Variants in SOS1 observed in about 807,000 individuals in gnomAD.
SOS1 encodes SOS Ras/Rac guanine nucleotide exchange factor 1, also known as son of sevenless homolog 1.
A neutral mutation model predicts 157.6 loss-of-function variants in SOS1; 25 were observed. That is an observed-to-expected ratio of 0.16 (90% confidence interval 0.12 to 0.22). SOS1 has a LOEUF of 0.22. Among genes scored for constraint, SOS1 ranks in the 10% least tolerant of loss-of-function variants. The pLI is 1.00. For synonymous variants in SOS1, 528 were observed against 534.0 expected, an observed-to-expected ratio of 0.99 and a Z score of 0.16; for missense variants, 1,237 against 1,599.1, an observed-to-expected ratio of 0.77 and a Z score of 3.86.
chr2:39,054,325 TCAAA>T (rs1558490941), intron 5 of SOS1, among the ~76,000 whole-genome samples: 1 of 152,352 alleles, frequency 6.6e-6, no homozygotes, highest in Middle Eastern at 3.4e-3. Flanking sequence ...TTCAAATGAC[TCAAA>T]CAAACATATC....
At chr2:39,067,531 A>G in intron 2 of SOS1, 97 bp downstream of exon 2, 2 of 1,062,820 alleles carry the variant, frequency 1.9e-6, no homozygotes, top group Non-Finnish European at 2.9e-6. Flanking sequence ...CTTATATACC[A>G]TATATATAGA....
chr2:39,033,767 G>C (rs1413896898), intron 8 of SOS1, among the ~76,000 whole-genome samples: 1 of 152,134 alleles, frequency 6.6e-6, no homozygotes, highest in Non-Finnish European at 1.5e-5. Context: ...GAACACCTGG[G>C]CTCAAGCAAT....
Position 38,996,944 on chromosome 2 carries a change from T to C in SOS1, c.3059A>G (p.Asn1020Ser), listed in dbSNP as rs1464623941. 1 of 1,574,306 alleles carries C rather than the reference T, an allele frequency of 6.4e-7. No homozygotes were observed. The change falls in exon 19 of 23, where the codon AAC becomes AGC. Residue 1020 changes from asparagine (N) to serine (S), a missense_variant. Around this residue, in one of 15 missense-constraint regions of SOS1, gnomAD observed 43 missense variants for 83.0 expected, o/e 0.52. Transcript: ENST00000402219. ...TACAAATCTTGGGAGAGGCTTAGGG[T>C]TTCGTGGTTCTATTTCTAGGGATTT... is the stretch of plus-strand genomic sequence containing the variant. ...FNKSLEIEPR[N>S]PKPLPRFPKK... is the part of the protein sequence containing the mutation.
At chr2:39,068,684 ATTTC>A (rs1388314710) in intron 1 of SOS1, among the ~76,000 whole-genome samples, 3 of 150,624 alleles carry the variant, frequency 2.0e-5, no homozygotes, top group Non-Finnish European at 4.4e-5. Context: ...CTCCTCAACC[ATTTC>A]TTTAATTTTT....
At chr2:39,043,358 C>T (rs1037328032) in intron 6 of SOS1, among the ~76,000 whole-genome samples, 9 of 152,036 alleles carry the variant, frequency 5.9e-5, no homozygotes, top group African/African-American at 1.9e-4. Flanking sequence ...TTTTTCATTG[C>T]CATTTCATTG....
chr2:39,056,625 T>C (rs1445431150), intron 4 of SOS1, 77 bp downstream of exon 4: 3 of 910,680 alleles, frequency 3.3e-6, no homozygotes, highest in Non-Finnish European at 5.5e-6. Context: ...AATTTTATTC[T>C]ATATGAATAG....
rs562337996 is a variant in SOS1, at chr2:39,012,362, T to C, written c.2168-14A>G. ...TCATTGCTTTACCTGCAATACATTA[T>C]ATTTTAAATAACATTTAAATATTCT... On this transcript the variant is annotated splice_polypyrimidine_tract_variant and intron_variant, in intron 13 of 22. Coordinates refer to ENST00000402219, the MANE Select transcript of SOS1 (RefSeq NM_005633.4). 49 of 1,253,226 alleles carry C rather than the reference T, an allele frequency of 3.9e-5. No individual in the cohort carries two copies. The highest frequency in any genetic ancestry group is 5.3e-5 in the Non-Finnish European group (47 of 879,576). 77.6% of individuals were successfully genotyped at this position (1,253,226 alleles called of 1,614,324 possible).
chr2:39,087,973 G>A (rs1672438240), intron 1 of SOS1, among the ~76,000 whole-genome samples: 1 of 151,264 alleles, frequency 6.6e-6, no homozygotes, highest in Non-Finnish European at 1.5e-5. Context: ...GCACCCAGCC[G>A]AAAGTGCTTT....
rs143853610 is a variant in SOS1, at chr2:39,031,697, C to G, written c.1074+3515G>C. Among the ~76,000 whole-genome samples, 1,394 of 152,118 alleles carry G rather than the reference C, an allele frequency of 9.2e-3. 12 individuals carry two copies. Among genetic ancestry groups the G allele is most frequent in the Middle Eastern group, 0.017 (5 of 294 alleles). ...CAAGATCTTGCCACTGCACTCAAGC[C>G]TGGGCGACAGAGTGAGACTCTGTCT... is the stretch of plus-strand genomic sequence containing the variant. On this transcript the variant is annotated intron_variant, in intron 8 of 22. Coordinates refer to ENST00000402219, the MANE Select transcript of SOS1 (RefSeq NM_005633.4).
intron 2 of SOS1, among the ~76,000 whole-genome samples, chr2:39,063,470 C>G (rs1056303295): frequency 6.6e-6 from 1 of 152,202 alleles, no homozygotes; most frequent in Non-Finnish European, 1.5e-5. Flanking sequence ...AAGCACGACT[C>G]TACTTCCTTA....
chr2:39,037,335 T>G (rs1040694914), intron 6 of SOS1, among the ~76,000 whole-genome samples: 1 of 152,232 alleles, frequency 6.6e-6, no homozygotes, highest in African/African-American at 2.4e-5. Flanking sequence ...AATGATCATA[T>G]GCCAAATATC....
In SOS1 at chr2:38,985,811, A is replaced by C; in HGVS notation, c.*13T>G. 1 of 1,613,576 alleles carries C rather than the reference A, an allele frequency of 6.2e-7. No individual in the cohort carries two copies. On this transcript the variant is annotated 3_prime_UTR_variant, in exon 23 of 23. Coordinates refer to ENST00000402219, the MANE Select transcript of SOS1 (RefSeq NM_005633.4). ...TTGGGGCTAGGAAAATATACATCCC[A>C]GTACAGAGGAACTCAGGAAGAATGG...
rs1176763588 is a variant in SOS1 at position 39,012,200 on chromosome 2, C to T, written c.2316G>A (p.Glu772=). The change falls in exon 14 of 23, where the codon GAG becomes GAA. Residue 772 remains glutamate (E), a synonymous_variant. Transcript: ENST00000402219. ...EWHISRPGHI[E]TFDLLTLHPI... is the part of the protein sequence containing the mutation. ...GGTGTAAGGTGAGCAGGTCAAAAGTCTCTATGTGCCCAGGTCTGCTTATAT... is the reference window on the plus strand; with the variant it reads ...GGTGTAAGGTGAGCAGGTCAAAAGTTTCTATGTGCCCAGGTCTGCTTATAT... 1 of 1,613,758 alleles carries T rather than the reference C, an allele frequency of 6.2e-7. No homozygotes were observed. Among genetic ancestry groups the T allele is most frequent in the East Asian group, 2.2e-5 (1 of 44,852 alleles).
chr2:39,100,366 T>C lies in SOS1; in HGVS notation c.87+19970A>G, dbSNP rs188012698. Reference sequence around the variant, plus strand: ...AGAGATATCTGTGCTACTGTGTTCATTGCAGTATTAGTCACAATAGCCAAG... The same window carrying C: ...AGAGATATCTGTGCTACTGTGTTCACTGCAGTATTAGTCACAATAGCCAAG... On this transcript the variant is annotated intron_variant, in intron 1 of 22. Transcript: ENST00000402219. Among the ~76,000 whole-genome samples the C allele has an allele frequency of 2.0e-4, 31 of 152,356 alleles. No homozygotes were observed. The East Asian group carries it at 3.3e-3, about 16-fold the overall frequency.
intron 8 of SOS1, among the ~76,000 whole-genome samples, chr2:39,032,783 G>A (rs1365933706): frequency 2.0e-5 from 3 of 152,106 alleles, no homozygotes. Context: ...CCTACATGGT[G>A]AAACCCTGTC....
intron 6 of SOS1, among the ~76,000 whole-genome samples, chr2:39,044,862 G>GCACA (rs1271039137): frequency 0.2 from 6,647 of 33,064 alleles, 553 homozygotes; most frequent in African/African-American, 0.42. Context: ...GCGCGCGCGC[G>GCACA]CGCACACACA....
At chr2:39,088,428 G>C (rs899353289) in intron 1 of SOS1, among the ~76,000 whole-genome samples, 4 of 151,126 alleles carry the variant, frequency 2.6e-5, no homozygotes, top group African/African-American at 9.8e-5. Flanking sequence ...TCCATCTCCA[G>C]AACTTTTTCA....
intron 6 of SOS1, among the ~76,000 whole-genome samples, chr2:39,045,521 G>A (rs1670748262): frequency 6.6e-6 from 1 of 151,884 alleles, no homozygotes; most frequent in South Asian, 2.1e-4. Flanking sequence ...TTACTATTAG[G>A]AAGTGTTTCT....
Position 39,022,762 on chromosome 2 carries a change from C to A in SOS1, c.1666G>T (p.Val556Leu), listed in dbSNP as rs753909912. ...YRSTLERMLD[V>L]TMLQEEKEEQ... ...TCTTTCTCTTCCTGTAGCATTGTTA[C>A]ATCAAGCATCCTTTCCAGTGTACTC... Residue 556 changes from valine to leucine, a missense_variant, in exon 10 of 23, where the codon GTA becomes TTA. Val to Leu is a conservative substitution (Grantham distance 32). Coordinates refer to ENST00000402219, the MANE Select transcript of SOS1 (RefSeq NM_005633.4). 1.9e-6 allele frequency: 3 copies of A among 1,613,628 alleles called. No individual in the cohort carries two copies. Among genetic ancestry groups the A allele is most frequent in the African/African-American group, 1.3e-5 (1 of 74,922 alleles).
Sources: gnomAD v4.1 joint callset for allele counts (sites outside exome capture counted in the v4.1 genomes callset) on GRCh38, gnomAD v4.1.1 for gene constraint, gnomAD v4.1.1 regional missense constraint, MANE v1.5 for transcripts, NCBI Gene and HGNC (gene_info 2026-07-23, HGNC 2026-07-21) for gene names.